BANK1: variants seen among roughly 807,000 people sequenced by gnomAD.
BANK1 encodes the protein B-cell scaffold protein with ankyrin repeats.
BANK1 carries 95 observed loss-of-function variants against 94.5 expected under a neutral mutation model. The ratio of observed to expected loss-of-function variants is 1.00; its 90% CI spans 0.85 to 1.19. BANK1 has a LOEUF of 1.19. BANK1 is among the 50% of genes most tolerant of loss of function. The probability of loss-of-function intolerance (pLI) is 0.00; values close to 1 mark genes in which losing one functional copy is unlikely to be tolerated. For synonymous variants in BANK1, 334 were observed against 308.4 expected, an observed-to-expected ratio of 1.08 and a Z score of -0.87; for missense variants, 987 against 932.2, an observed-to-expected ratio of 1.06 and a Z score of -0.77.
intron 10 of BANK1, among the ~76,000 whole-genome samples, chr4:102,031,782 A>G (rs1432951233): frequency 1.3e-5 from 2 of 152,192 alleles, no homozygotes; most frequent in African/African-American, 4.8e-5. Flanking sequence ...TTACTCATAT[A>G]TACTTAATAT....
At position 101,999,954 on chromosome 4, in the gene BANK1, A is replaced by G. The variant is rs1007945883; in HGVS notation, c.1207-21560A>G. Among the ~76,000 whole-genome samples the G allele has an allele frequency of 3.9e-5, 6 of 152,178 alleles. No homozygotes were observed. The South Asian group carries it at 8.3e-4, about 21-fold the overall frequency. On this transcript the variant is annotated intron_variant, in intron 7 of 16. Coordinates refer to ENST00000322953, the MANE Select transcript of BANK1 (RefSeq NM_017935.5). ...AGTAGAGACAGAGATGAATCTGGAG[A>G]GGCAAAGTAATGAAGGACCTTATGA...
chr4:102,025,452 C>G lies in BANK1; in HGVS notation c.1537C>G (p.Pro513Ala), dbSNP rs150848399. ...CATGAGCAGCAGACCTCCTCTCCCC[C>G]CGCCGCGACCTGTAGCTAATGCCTT... ...PLMSSRPPLP[P>A]PRPVANAFQL... The change falls in exon 9 of 17, where the codon CCG becomes GCG. Residue 513 changes from proline (P) to alanine (A), a missense_variant. Physicochemically the swap from Pro to Ala is conservative, Grantham distance 27. Transcript: ENST00000322953. 361 of 1,614,000 alleles carry G rather than the reference C, an allele frequency of 2.2e-4. No individual in the cohort carries two copies. The highest frequency in any genetic ancestry group is 2.6e-4 in the Non-Finnish European group (310 of 1,180,024).
At chr4:101,838,148 G>A (rs956380973) in intron 2 of BANK1, among the ~76,000 whole-genome samples, 4 of 152,126 alleles carry the variant, frequency 2.6e-5, no homozygotes, top group African/African-American at 7.2e-5. Flanking sequence ...TAGTAGACAC[G>A]GGGTTTCACC....
At chr4:102,062,822 A>G in intron 12 of BANK1, 2 of 383,330 alleles carry the variant, frequency 5.2e-6, no homozygotes, top group Non-Finnish European at 4.9e-6. Flanking sequence ...TGAATTGGGA[A>G]AGTTACTGTA....
chr4:101,923,578 A>T (rs577782840), intron 7 of BANK1, among the ~76,000 whole-genome samples: 1 of 151,890 alleles, frequency 6.6e-6, no homozygotes, highest in Admixed American at 6.6e-5. Context: ...TTCTTTCTGC[A>T]CTCTCTTCAC....
intron 7 of BANK1, among the ~76,000 whole-genome samples, chr4:101,964,289 T>C (rs1418439929): frequency 6.6e-6 from 1 of 152,058 alleles, no homozygotes; most frequent in East Asian, 1.9e-4. Flanking sequence ...GGGAATTGGC[T>C]TCTTATGTGC....
At chr4:101,792,475 T>A (rs1195161609) in intron 1 of BANK1, among the ~76,000 whole-genome samples, 1 of 142,092 alleles carries the variant, frequency 7.0e-6, no homozygotes, top group Non-Finnish European at 1.5e-5. Flanking sequence ...GTGTGTTTTT[T>A]TTTTTTTAAT....
At chr4:102,007,146 T>TTTATATATATATATATA in intron 7 of BANK1, among the ~76,000 whole-genome samples, 1 of 38,068 alleles carries the variant, frequency 2.6e-5, no homozygotes, top group Admixed American at 3.9e-4. Flanking sequence ...AAAATATATT[T>TTTATATATATATATATA]TATATATATA....
intron 5 of BANK1, among the ~76,000 whole-genome samples, chr4:101,878,788 A>G (rs757108290): frequency 1.3e-5 from 2 of 152,188 alleles, no homozygotes; most frequent in Admixed American, 1.3e-4. Context: ...TTAGAAATCA[A>G]TAACAAGAGG....
At chr4:101,979,197 GA>G (rs1725242149) in intron 7 of BANK1, among the ~76,000 whole-genome samples, 1 of 151,876 alleles carries the variant, frequency 6.6e-6, no homozygotes, top group Non-Finnish European at 1.5e-5. Context: ...TCTATTCTCT[GA>G]AAAGAATGGT....
intron 1 of BANK1, among the ~76,000 whole-genome samples, chr4:101,807,485 T>G (rs1392247385): frequency 6.6e-6 from 1 of 152,138 alleles, no homozygotes; most frequent in Admixed American, 6.6e-5. Flanking sequence ...CAGGATTGGA[T>G]AAGTATTCTA....
intron 11 of BANK1, among the ~76,000 whole-genome samples, chr4:102,049,224 ATATACT>A (rs749690179): frequency 2.6e-5 from 4 of 152,210 alleles, no homozygotes; most frequent in East Asian, 1.9e-4. Context: ...TTTCTATAAA[ATATACT>A]TAGTCATTAG....
chr4:101,839,334 G>A (rs1390157604), intron 2 of BANK1, among the ~76,000 whole-genome samples: 1 of 151,994 alleles, frequency 6.6e-6, no homozygotes, highest in East Asian at 1.9e-4. Context: ...CTCTTTACTA[G>A]GCAATTATGA....
Position 102,044,858 on chromosome 4 carries a change from C to T in BANK1, c.1969+951C>T, listed in dbSNP as rs866866390. 4.4e-3 allele frequency among the ~76,000 whole-genome samples: 512 copies of T among 116,022 alleles called. 6 individuals are homozygous for T. The highest frequency in any genetic ancestry group is 0.016 in the African/African-American group (484 of 29,894). 76.1% of individuals were successfully genotyped at this position (116,022 alleles called of 152,430 possible). ...TTGAGAAGTGTCTGTTCATGTCCTT[C>T]GCCCACTTTTTGATGGGGTTGTTTG... On this transcript the variant is annotated intron_variant, in intron 11 of 16. Transcript: ENST00000322953.
At position 101,895,085 on chromosome 4, in the gene BANK1, C is replaced by T. The variant is rs148117410; in HGVS notation, c.904-220C>T. ...AAAGTTATAGTTTCTTATCCAAAAG[C>T]AGAGACTTTTATTTCTTGAATCCAT... is the stretch of plus-strand genomic sequence containing the variant. On this transcript the variant is annotated intron_variant, in intron 5 of 16. Transcript: ENST00000322953. Among the ~76,000 whole-genome samples, 85 of 151,700 alleles carry T rather than the reference C, an allele frequency of 5.6e-4. No individual in the cohort carries two copies. The East Asian group carries it at 0.014, about 26-fold the overall frequency.
chr4:101,905,949 AT>A (rs149324859), intron 6 of BANK1, among the ~76,000 whole-genome samples: 3,017 of 152,154 alleles, frequency 0.02, 42 homozygotes, highest in Non-Finnish European at 0.03. Flanking sequence ...ACTTGAAGTG[AT>A]TTTTTCCCAA....
In BANK1 at chr4:101,790,835, GCT is replaced by G; in HGVS notation, c.-44_-43del. 6.6e-7 allele frequency: 1 copy of G among 1,525,238 alleles called. No individual in the cohort carries two copies. Among genetic ancestry groups the G allele is most frequent in the East Asian group, 2.5e-5 (1 of 40,666 alleles). 94.5% of individuals were successfully genotyped at this position (1,525,238 alleles called of 1,614,324 possible). On this transcript the variant is annotated 5_prime_UTR_variant, in exon 1 of 17. Coordinates refer to ENST00000322953, the MANE Select transcript of BANK1 (RefSeq NM_017935.5). ...CTCTGGCCGGGAGAGTCCAGGTAGC[GCT>G]CGGCGGGCAGCAGTGCGCAGGCCCC...
intron 1 of BANK1, among the ~76,000 whole-genome samples, chr4:101,795,100 C>G (rs1725111446): frequency 6.6e-6 from 1 of 151,836 alleles, no homozygotes; most frequent in South Asian, 2.1e-4. Flanking sequence ...AATAAAGCCT[C>G]CTTTGGTCGG....
intron 7 of BANK1, among the ~76,000 whole-genome samples, chr4:102,000,547 T>A (rs13127398): frequency 0.041 from 6,223 of 152,230 alleles, 194 homozygotes; most frequent in Non-Finnish European, 0.064. Context: ...TAGTTAGACA[T>A]TCATTTAACA....
Sources: gnomAD v4.1 joint callset for allele counts (sites outside exome capture counted in the v4.1 genomes callset) on GRCh38, gnomAD v4.1.1 for gene constraint, MANE v1.5 for transcripts, NCBI Gene and HGNC (gene_info 2026-07-23, HGNC 2026-07-21) for gene names.